P2RY6: variants seen among roughly 807,000 people sequenced by gnomAD.
P2RY6 encodes the protein pyrimidinergic receptor P2Y6.
Under a neutral mutation model 16.3 loss-of-function variants are expected in P2RY6, and 19 were observed. The ratio of observed to expected loss-of-function variants is 1.16; its 90% CI spans 0.81 to 1.71. P2RY6 has a LOEUF of 1.71. Ranked by LOEUF, P2RY6 falls within the 40% of genes most tolerant of loss-of-function variation. The pLI is 0.00. For missense variants in P2RY6, 389 were observed against 455.5 expected, an observed-to-expected ratio of 0.85 and a Z score of 1.33; for synonymous variants, 184 against 201.5, an observed-to-expected ratio of 0.91 and a Z score of 0.74.
chr11:73,285,353 C>T (rs765582249), intron 1 of P2RY6, among the ~76,000 whole-genome samples: 4 of 152,260 alleles, frequency 2.6e-5, no homozygotes, highest in Admixed American at 6.5e-5. Flanking sequence ...AGATTCCAGG[C>T]GTGAGCCACC....
chr11:73,283,714 C>T (rs970852372), intron 1 of P2RY6, among the ~76,000 whole-genome samples: 5 of 152,146 alleles, frequency 3.3e-5, no homozygotes, highest in Admixed American at 3.3e-4. Context: ...CTGCCCTGGG[C>T]CTGACTGTAA....
chr11:73,296,909 C>T lies in P2RY6; in HGVS notation c.391C>T (p.Pro131Ser), dbSNP rs562668106. The change falls in exon 3 of 3, where the codon CCG becomes TCG. Residue 131 changes from proline (P) to serine (S), a missense_variant. Transcript: ENST00000540124. ...SFQRYLGICH[P>S]LAPWHKRGGR... ...CCAGCGCTACCTGGGCATCTGCCACCCGCTGGCCCCCTGGCACAAACGTGG... is the reference window on the plus strand; with the variant it reads ...CCAGCGCTACCTGGGCATCTGCCACTCGCTGGCCCCCTGGCACAAACGTGG... 2.2e-5 allele frequency: 36 copies of T among 1,609,316 alleles called. 1 individual carries two copies. In the South Asian group the frequency reaches 4.0e-4, roughly 18 times the overall value.
chr11:73,290,308 AAAGAAAGAAAG>A (rs1864163752), intron 1 of P2RY6, among the ~76,000 whole-genome samples: 6 of 40,106 alleles, frequency 1.5e-4, no homozygotes, highest in East Asian at 6.6e-4. Context: ...GAAAGAAAAG[AAAGAAAGAAAG>A]AAAGAAAGAA....
intron 1 of P2RY6, among the ~76,000 whole-genome samples, chr11:73,280,911 A>C (rs1863733880): frequency 6.6e-6 from 1 of 152,192 alleles, no homozygotes; most frequent in Non-Finnish European, 1.5e-5. Flanking sequence ...CAATGAAGTC[A>C]GACTTTTGCT....
upstream of P2RY6, among the ~76,000 whole-genome samples, chr11:73,268,990 CA>C (rs1306173752): frequency 1.3e-5 from 2 of 152,198 alleles, no homozygotes; most frequent in African/African-American, 4.8e-5. Flanking sequence ...GGGTGAGACC[CA>C]CCCAAGGGAG....
At chr11:73,292,010 C>T (rs1418762173) in intron 1 of P2RY6, among the ~76,000 whole-genome samples, 3 of 152,250 alleles carry the variant, frequency 2.0e-5, no homozygotes, top group Admixed American at 6.5e-5. Flanking sequence ...GCTGCTTCCC[C>T]CTCTGGAGCT....
At chr11:73,267,757 C>A (rs1488970970), upstream of P2RY6, among the ~76,000 whole-genome samples, 1 of 152,198 alleles carries the variant, frequency 6.6e-6, no homozygotes, top group Non-Finnish European at 1.5e-5. Context: ...AAGCTGGGGA[C>A]AATCCTCCCA....
chr11:73,280,658 C>T (rs1449394766), intron 1 of P2RY6, among the ~76,000 whole-genome samples: 1 of 152,206 alleles, frequency 6.6e-6, no homozygotes, highest in Non-Finnish European at 1.5e-5. Context: ...GGACCTGGGC[C>T]TCCCCTGTCC....
At chr11:73,291,706 C>T (rs1864255460) in intron 1 of P2RY6, among the ~76,000 whole-genome samples, 1 of 152,194 alleles carries the variant, frequency 6.6e-6, no homozygotes, top group African/African-American at 2.4e-5. Context: ...AGCTCTGATG[C>T]TCTAGGCTCT....
intron 2 of P2RY6, among the ~76,000 whole-genome samples, chr11:73,296,231 A>ATATAT (rs1428431818): frequency 1.5e-4 from 19 of 123,036 alleles, no homozygotes; most frequent in African/African-American, 2.6e-4. Flanking sequence ...AGGAAAAAAA[A>ATATAT]AAATATATAT....
At chr11:73,277,982 G>A (rs1331915205) in intron 1 of P2RY6, among the ~76,000 whole-genome samples, 1 of 151,878 alleles carries the variant, frequency 6.6e-6, no homozygotes, top group East Asian at 1.9e-4. Context: ...AGTTTTGTTT[G>A]TTTGTTTGTT....
chr11:73,290,794 C>T (rs1234515731), intron 1 of P2RY6, among the ~76,000 whole-genome samples: 1 of 152,242 alleles, frequency 6.6e-6, no homozygotes, highest in Non-Finnish European at 1.5e-5. Context: ...CCCTCCCGGG[C>T]CCTGCCCCCT....
At chr11:73,292,867 T>C in intron 1 of P2RY6, 1 of 985,120 alleles carries the variant, frequency 1.0e-6, no homozygotes, top group Non-Finnish European at 1.2e-6. Flanking sequence ...CTGGCTTCCC[T>C]TTGCCCCAAC....
chr11:73,285,398 C>T (rs997318525), intron 1 of P2RY6, among the ~76,000 whole-genome samples: 5 of 152,178 alleles, frequency 3.3e-5, no homozygotes, highest in Admixed American at 6.6e-5. Context: ...CATGCACACT[C>T]CACAGCAGGA....
intron 1 of P2RY6, among the ~76,000 whole-genome samples, chr11:73,274,332 G>C (rs759687118): frequency 6.6e-6 from 1 of 152,160 alleles, no homozygotes; most frequent in African/African-American, 2.4e-5. Context: ...AAATCATTCC[G>C]TCAAAATTGA....
intron 1 of P2RY6, among the ~76,000 whole-genome samples, chr11:73,274,763 GC>G (rs1345198437): frequency 6.6e-6 from 1 of 152,202 alleles, no homozygotes; most frequent in African/African-American, 2.4e-5. Flanking sequence ...GCAGAACCTG[GC>G]AACAGGTGCC....
intron 1 of P2RY6, among the ~76,000 whole-genome samples, chr11:73,289,234 C>T (rs1245645059): frequency 2.6e-5 from 4 of 152,230 alleles, no homozygotes; most frequent in Admixed American, 6.5e-5. Flanking sequence ...CCATGGTTGT[C>T]GCCTGAACTG....
At chr11:73,266,263 G>A (rs1365642834) in intron 1 of P2RY6, among the ~76,000 whole-genome samples, 1 of 152,210 alleles carries the variant, frequency 6.6e-6, no homozygotes, top group East Asian at 1.9e-4. Flanking sequence ...GCAGGTCTCT[G>A]TCAAAGCCTG....
rs1043009378 is a variant in P2RY6 at position 73,297,856 on chromosome 11, G to T, written c.*351G>T. On this transcript the variant is annotated 3_prime_UTR_variant, in exon 3 of 3. Coordinates refer to ENST00000540124, the MANE Select transcript of P2RY6 (RefSeq NM_001277204.2). ...GTCACCAATGAAGCGGGTGAGGGAA[G>T]ATGAGAGGGGGAGGTGAGAGCTTCT... 2 of 267,566 alleles carry T rather than the reference G, an allele frequency of 7.5e-6. No individual in the cohort carries two copies. The highest frequency in any genetic ancestry group is 9.8e-5 in the Admixed American group (2 of 20,482). 16.6% of individuals were successfully genotyped at this position (267,566 alleles called of 1,614,324 possible). A position where few individuals can be genotyped will look rare whatever the true frequency, so the allele number is the denominator to read the frequency against.
Sources: allele counts gnomAD v4.1 joint callset (sites outside exome capture counted in the v4.1 genomes callset), GRCh38; gene constraint gnomAD v4.1.1; transcripts MANE v1.5; gene names NCBI Gene and HGNC (gene_info 2026-07-23, HGNC 2026-07-21).